Variants in GUCY1A2 observed in about 807,000 individuals in gnomAD.
GUCY1A2 encodes guanylate cyclase soluble subunit alpha-2.
GUCY1A2 carries 27 observed loss-of-function variants against 63.5 expected under a neutral mutation model. That is an observed-to-expected ratio of 0.43 (90% CI 0.31 to 0.59). GUCY1A2 has a LOEUF of 0.59. Among genes scored for constraint, GUCY1A2 ranks in the 20% least tolerant of loss-of-function variants. GUCY1A2 has a pLI of 0.11. For synonymous variants in GUCY1A2, 364 were observed against 343.5 expected, an observed-to-expected ratio of 1.06 and a Z score of -0.66; for missense variants, 768 against 913.3, an observed-to-expected ratio of 0.84 and a Z score of 2.05.
At chr11:106,969,383 T>C (rs1010952915) in intron 3 of GUCY1A2, among the ~76,000 whole-genome samples, 11 of 152,194 alleles carry the variant, frequency 7.2e-5, no homozygotes, top group African/African-American at 1.7e-4. Flanking sequence ...AAATTTGTAG[T>C]TGAGTCAGAG....
chr11:106,824,743 G>A (rs185030951), intron 4 of GUCY1A2: 23,218 of 1,472,884 alleles, frequency 0.016, 295 homozygotes, highest in Middle Eastern at 0.053. Context: ...TTAATCTCAT[G>A]AGAAAACTGA....
chr11:106,722,777 A>G (rs1863338143), intron 6 of GUCY1A2, among the ~76,000 whole-genome samples: 1 of 130,562 alleles, frequency 7.7e-6, no homozygotes, highest in South Asian at 2.6e-4. Flanking sequence ...GTCATCAAAG[A>G]CCAGTTCTGT....
intron 6 of GUCY1A2, among the ~76,000 whole-genome samples, chr11:106,763,714 T>C: frequency 6.6e-6 from 1 of 152,096 alleles, no homozygotes; most frequent in East Asian, 1.9e-4. Flanking sequence ...AGCAGATTAG[T>C]ATTTGGCACT....
At position 106,810,006 on chromosome 11, in the gene GUCY1A2, A is replaced by G; in HGVS notation, c.1679T>C (p.Leu560Ser). The G allele has an allele frequency of 6.3e-7, 1 of 1,599,042 alleles. No homozygotes were observed. Among genetic ancestry groups the G allele is most frequent in the Non-Finnish European group, 8.6e-7 (1 of 1,167,344 alleles). ...YTRFDHQCGFLDIYKVETIGD... is the reference protein window; with the variant it reads ...YTRFDHQCGFSDIYKVETIGD... ...AAACTCCCTTACCTTATAAATATCC[A>G]AAAATCCACACTGGTGGTCAAATCT... The change falls in exon 5 of 8, where the codon TTG (leucine) becomes TCG (serine). Residue 560 changes from leucine to serine, a missense_variant. Transcript: ENST00000526355.
intron 4 of GUCY1A2, among the ~76,000 whole-genome samples, chr11:106,885,847 G>A (rs1296986620): frequency 6.6e-6 from 1 of 152,120 alleles, no homozygotes; most frequent in Non-Finnish European, 1.5e-5. Context: ...AAACACTTGT[G>A]CTTATAAAAT....
intron 3 of GUCY1A2, among the ~76,000 whole-genome samples, chr11:106,943,027 TAAAG>T (rs1445138995): frequency 6.6e-6 from 1 of 152,172 alleles, no homozygotes; most frequent in Admixed American, 6.5e-5. Flanking sequence ...AATTAACTAA[TAAAG>T]ATTTTTATTC....
chr11:106,706,201 A>G (rs1862906850), intron 7 of GUCY1A2, among the ~76,000 whole-genome samples: 1 of 152,214 alleles, frequency 6.6e-6, no homozygotes, highest in Non-Finnish European at 1.5e-5. Flanking sequence ...TTTTCAAGAT[A>G]AACAGGTAAT....
At chr11:106,718,036 C>T (rs913854628) in intron 6 of GUCY1A2, among the ~76,000 whole-genome samples, 1 of 151,880 alleles carries the variant, frequency 6.6e-6, no homozygotes, top group African/African-American at 2.4e-5. Flanking sequence ...GGCTATGTGG[C>T]ATTTTTCTTT....
intron 1 of GUCY1A2, among the ~76,000 whole-genome samples, chr11:107,008,790 G>A (rs139724126): frequency 6.6e-5 from 10 of 152,294 alleles, no homozygotes; most frequent in Admixed American, 2.6e-4. Flanking sequence ...ATATATACAC[G>A]TGTGCGTGTG....
chr11:106,860,970 ATT>A (rs1259375050), intron 4 of GUCY1A2, among the ~76,000 whole-genome samples: 1 of 152,000 alleles, frequency 6.6e-6, no homozygotes, highest in African/African-American at 2.4e-5. Flanking sequence ...ATAAAGATAA[ATT>A]TTAAGAAGGA....
At chr11:106,743,756 A>C (rs965066075) in intron 6 of GUCY1A2, among the ~76,000 whole-genome samples, 1 of 152,224 alleles carries the variant, frequency 6.6e-6, no homozygotes, top group Non-Finnish European at 1.5e-5. Flanking sequence ...TAAAAAGTCT[A>C]GTTATTTGCA....
intron 1 of GUCY1A2, among the ~76,000 whole-genome samples, chr11:107,006,313 T>C (rs1861670757): frequency 6.6e-6 from 1 of 152,214 alleles, no homozygotes; most frequent in African/African-American, 2.4e-5. Context: ...ACATATTTAC[T>C]CTTGAGTGAG....
intron 1 of GUCY1A2, among the ~76,000 whole-genome samples, chr11:107,009,693 C>G (rs1565358967): frequency 6.6e-6 from 1 of 152,162 alleles, no homozygotes; most frequent in African/African-American, 2.4e-5. Flanking sequence ...ACAAAAGATA[C>G]AGCCATAGGA....
chr11:106,939,501 TA>T lies in GUCY1A2; in HGVS notation c.1164del (p.Arg389GlufsTer15). The T allele has an allele frequency of 6.2e-7, 1 of 1,609,896 alleles. No individual in the cohort carries two copies. Among genetic ancestry groups the T allele is most frequent in the Non-Finnish European group, 8.5e-7 (1 of 1,176,404 alleles). On this transcript the variant is annotated frameshift_variant, in exon 4 of 8. Transcript: ENST00000526355. LOFTEE classifies it high-confidence loss of function. ...VLLRLSTPFV[I>X]RTKPEASGSE... ...GAGCCAGAAGCCTCAGGCTTGGTTC[TA>T]ATCACAAACGGGGTAGACAGTCGCA...
chr11:106,858,682 T>C (rs1234600121), intron 4 of GUCY1A2, among the ~76,000 whole-genome samples: 1 of 152,084 alleles, frequency 6.6e-6, no homozygotes, highest in African/African-American at 2.4e-5. Context: ...GGATTACAAA[T>C]ATGTGAGAGA....
intron 4 of GUCY1A2, among the ~76,000 whole-genome samples, chr11:106,873,967 T>A (rs1353996043): frequency 1.3e-5 from 2 of 152,178 alleles, no homozygotes; most frequent in Non-Finnish European, 2.9e-5. Flanking sequence ...TTTCTAAGCT[T>A]CATGTTCAAA....
chr11:106,892,984 T>G (rs1036299997), intron 4 of GUCY1A2, among the ~76,000 whole-genome samples: 1 of 152,198 alleles, frequency 6.6e-6, no homozygotes, highest in Non-Finnish European at 1.5e-5. Context: ...GGGGCGGATG[T>G]ATTTCTTTAT....
At chr11:106,910,179 G>A (rs1257366311) in intron 4 of GUCY1A2, among the ~76,000 whole-genome samples, 3 of 151,814 alleles carry the variant, frequency 2.0e-5, no homozygotes, top group African/African-American at 7.3e-5. Context: ...AATCTGTAGG[G>A]CCATAGTAAA....
chr11:106,707,311 G>C (rs569295199), intron 7 of GUCY1A2, among the ~76,000 whole-genome samples: 122 of 151,732 alleles, frequency 8.0e-4, no homozygotes, highest in Non-Finnish European at 1.6e-3. Context: ...CCTCTAATTT[G>C]GTATCAAAAG....
Sources: gnomAD v4.1 joint callset for allele counts (sites outside exome capture counted in the v4.1 genomes callset) on GRCh38, gnomAD v4.1.1 for gene constraint, MANE v1.5 for transcripts, NCBI Gene and HGNC (gene_info 2026-07-23, HGNC 2026-07-21) for gene names.